Variants in PPP1R2 observed in about 807,000 individuals in gnomAD.
PPP1R2 encodes the protein protein phosphatase 1 regulatory inhibitor subunit 2.
Under a neutral mutation model 29.9 loss-of-function variants are expected in PPP1R2, and 16 were observed. The observed-to-expected ratio is 0.53, with a 90% CI of 0.36 to 0.81. The LOEUF (loss-of-function observed/expected upper bound fraction) is 0.81. Ranked by LOEUF, PPP1R2 falls within the 30% of genes least tolerant of loss-of-function variation. PPP1R2 has a pLI of 0.00. For missense variants in PPP1R2, 197 were observed against 252.7 expected (o/e 0.78, Z 1.49); for synonymous variants, 76 against 91.5 (o/e 0.83, Z 0.96).
chr3:195,532,415 T>C (rs1353869216), intron 1 of PPP1R2, among the ~76,000 whole-genome samples: 2 of 152,024 alleles, frequency 1.3e-5, no homozygotes, highest in Admixed American at 1.3e-4. Flanking sequence ...GACTGTGTAA[T>C]TTTTAAGGGA....
intron 2 of PPP1R2, among the ~76,000 whole-genome samples, chr3:195,526,538 A>G (rs927961109): frequency 6.6e-6 from 1 of 152,254 alleles, no homozygotes; most frequent in African/African-American, 2.4e-5. Flanking sequence ...TTTTCTGGTT[A>G]TTTGAATGGC....
rs1216325863 is a variant in PPP1R2, at chr3:195,514,756, T to C, written c.*2140A>G. 5 of 152,346 alleles carry C rather than the reference T, an allele frequency of 3.3e-5. No homozygotes were observed. The highest frequency in any genetic ancestry group is 2.6e-4 in the Admixed American group (4 of 15,286). 9.4% of individuals were successfully genotyped at this position (152,346 alleles called of 1,614,324 possible). A position where few individuals can be genotyped will look rare whatever the true frequency, so the allele number is the denominator to read the frequency against. On this transcript the variant is annotated 3_prime_UTR_variant, in exon 6 of 6. Coordinates refer to ENST00000618156, the MANE Select transcript of PPP1R2 (RefSeq NM_006241.8). ...CTAACTTGAATCATAATGGTTCATA[T>C]TTTGACTAGTTCATACCCTATCAAT...
At chr3:195,530,969 T>C (rs1577576525) in intron 1 of PPP1R2, among the ~76,000 whole-genome samples, 1 of 151,384 alleles carries the variant, frequency 6.6e-6, no homozygotes, top group East Asian at 2.0e-4. Context: ...ATTAAAGGTG[T>C]CTGCCACCAC....
chr3:195,518,568 G>A (rs1185932955), intron 5 of PPP1R2, among the ~76,000 whole-genome samples: 1 of 151,820 alleles, frequency 6.6e-6, no homozygotes, highest in African/African-American at 2.4e-5. Context: ...GGAGAATGGC[G>A]GGAACCCAGG....
intron 1 of PPP1R2, among the ~76,000 whole-genome samples, chr3:195,536,788 CAAAA>C (rs10717955): frequency 0.014 from 1,009 of 72,482 alleles, 7 homozygotes; most frequent in African/African-American, 0.047. Flanking sequence ...AACTCCGTCT[CAAAA>C]AAAAAAAAAA....
chr3:195,541,582 C>A (rs1354361613), intron 1 of PPP1R2, among the ~76,000 whole-genome samples: 1 of 151,626 alleles, frequency 6.6e-6, no homozygotes, highest in African/African-American at 2.4e-5. Flanking sequence ...CAGGCGTGAG[C>A]CACCACGCCT....
At chr3:195,528,748 C>T (rs548273112) in intron 2 of PPP1R2, 3 of 74,782 alleles carry the variant, frequency 4.0e-5, no homozygotes, top group Admixed American at 4.6e-4. Flanking sequence ...AAGAGTCTTA[C>T]TATGTTGCTT....
chr3:195,542,897 C>A lies in PPP1R2; in HGVS notation c.122+7G>T, dbSNP rs769737974. ...GGGGCTCCCAGGCCGTCCCTCCCAG[C>A]GCTCACCTCAGCTCCTCGTCGACAT... On this transcript the variant is annotated splice_region_variant and intron_variant, in intron 1 of 5. Transcript: ENST00000618156. The A allele has an allele frequency of 4.4e-6, 7 of 1,597,774 alleles. No individual in the cohort carries two copies. The highest frequency in any genetic ancestry group is 3.4e-5 in the South Asian group (3 of 88,348).
At chr3:195,536,908 C>T (rs1039194802) in intron 1 of PPP1R2, among the ~76,000 whole-genome samples, 3 of 150,668 alleles carry the variant, frequency 2.0e-5, no homozygotes, top group African/African-American at 7.3e-5. Context: ...AAAGAAAGAA[C>T]GCCACATCCT....
rs533095730 is a variant in PPP1R2 at position 195,534,700 on chromosome 3, A to T, written c.123-4799T>A. ...ACCTTGCCAATACAGAACTGCTTTT[A>T]AAAAAAAAAGAGAGATAGGGCATTA... On this transcript the variant is annotated intron_variant, in intron 1 of 5. Coordinates refer to ENST00000618156, the MANE Select transcript of PPP1R2 (RefSeq NM_006241.8). Among the ~76,000 whole-genome samples the T allele has an allele frequency of 2.4e-4, 36 of 149,096 alleles. No individual in the cohort carries two copies. The East Asian group carries it at 4.9e-3, about 20-fold the overall frequency.
At chr3:195,518,647 T>C (rs530953839) in intron 5 of PPP1R2, among the ~76,000 whole-genome samples, 1 of 62,972 alleles carries the variant, frequency 1.6e-5, no homozygotes, top group East Asian at 1.1e-3. Context: ...CGAGACTCTG[T>C]CTCAAAAAAA....
Position 195,516,225 on chromosome 3 carries a change from A to C in PPP1R2, c.*671T>G, listed in dbSNP as rs1322975406. On this transcript the variant is annotated 3_prime_UTR_variant, in exon 6 of 6. Coordinates refer to ENST00000618156, the MANE Select transcript of PPP1R2 (RefSeq NM_006241.8). ...AAAAACAAACAAAAACCCCCCAAAA[A>C]CAAAAAACAGAGCAGACATTGGTGA... 4 of 152,576 alleles carry C rather than the reference A, an allele frequency of 2.6e-5. No individual in the cohort carries two copies. Among genetic ancestry groups the C allele is most frequent in the Non-Finnish European group, 5.9e-5 (4 of 68,004 alleles). 9.5% of individuals were successfully genotyped at this position (152,576 alleles called of 1,614,324 possible). A position where few individuals can be genotyped will look rare whatever the true frequency, so the allele number is the denominator to read the frequency against.
At position 195,541,435 on chromosome 3, in the gene PPP1R2, A is replaced by C. The variant is rs139331490; in HGVS notation, c.122+1469T>G. Among the ~76,000 whole-genome samples, 48 of 146,040 alleles carry C rather than the reference A, an allele frequency of 3.3e-4. No homozygotes were observed. In the East Asian group the frequency reaches 9.4e-3, roughly 29 times the overall value. ...TCTGTAGTTACGTTACTTATCTTTT[A>C]ATTCCTTTTCTTTTCTTTCCTTTTT... On this transcript the variant is annotated intron_variant, in intron 1 of 5. Transcript: ENST00000618156.
chr3:195,541,745 A>G (rs549290146), intron 1 of PPP1R2, among the ~76,000 whole-genome samples: 1 of 152,280 alleles, frequency 6.6e-6, no homozygotes, highest in East Asian at 1.9e-4. Context: ...ATTGTGTGTG[A>G]GAGAATGTAA....
rs147749532 is a variant in PPP1R2, at chr3:195,519,148, G to A, written c.441C>T (p.His147=). ...KRQFEMKRKL[H]YNEGLNIKLA... is the part of the protein sequence containing the mutation. ...GTTTGATATTGAGTCCTTCATTGTA[G>A]TGAAGCTTCCTTTTCATTTCAAATT... The change falls in exon 5 of 6, where the codon CAC becomes CAT. Residue 147 remains histidine, a synonymous_variant. Coordinates refer to ENST00000618156, the MANE Select transcript of PPP1R2 (RefSeq NM_006241.8). 1,406 of 1,602,780 alleles carry A rather than the reference G, an allele frequency of 8.8e-4. 13 individuals are homozygous for A. The African/African-American group carries it at 0.017, about 20-fold the overall frequency.
At chr3:195,517,721 C>A (rs1251318013) in intron 5 of PPP1R2, among the ~76,000 whole-genome samples, 3 of 151,552 alleles carry the variant, frequency 2.0e-5, no homozygotes, top group Non-Finnish European at 4.4e-5. Flanking sequence ...GCCTCTATAA[C>A]AAAAAATAAA....
In PPP1R2 at chr3:195,527,733, G is replaced by A. The variant is rs563243285; in HGVS notation, c.230+2061C>T. ...ATATACATTTTAGAAGTTGGGCACG[G>A]TGATGTGTGCCCATAGTCAGCTACC... is the stretch of plus-strand genomic sequence containing the variant. On this transcript the variant is annotated intron_variant, in intron 2 of 5. Coordinates refer to ENST00000618156, the MANE Select transcript of PPP1R2 (RefSeq NM_006241.8). 2.3e-5 allele frequency: 4 copies of A among 171,522 alleles called. No homozygotes were observed. The East Asian group carries it at 5.1e-4, about 22-fold the overall frequency. 10.6% of individuals were successfully genotyped at this position (171,522 alleles called of 1,614,324 possible). A position where few individuals can be genotyped will look rare whatever the true frequency, so the allele number is the denominator to read the frequency against.
chr3:195,517,100 C>T (rs1718574458), intron 5 of PPP1R2, among the ~76,000 whole-genome samples, 158 bp from the exon 6 acceptor site: 1 of 152,080 alleles, frequency 6.6e-6, no homozygotes, highest in Admixed American at 6.6e-5. Context: ...ATTGAAGAAT[C>T]TATACACTCC....
intron 4 of PPP1R2, among the ~76,000 whole-genome samples, chr3:195,520,504 G>C (rs895824239): frequency 7.2e-5 from 11 of 152,040 alleles, no homozygotes; most frequent in African/African-American, 2.7e-4. Flanking sequence ...CCCAGCTACT[G>C]GGAAGGCTGA....
Sources: gnomAD v4.1 joint callset for allele counts (sites outside exome capture counted in the v4.1 genomes callset) on GRCh38, gnomAD v4.1.1 for gene constraint, MANE v1.5 for transcripts, NCBI Gene and HGNC (gene_info 2026-07-23, HGNC 2026-07-21) for gene names.